Variants in HS1BP3 observed in about 807,000 individuals in gnomAD.
HS1BP3 encodes HCLS1 binding protein 3.
HS1BP3 carries 32 observed loss-of-function variants against 33.5 expected under a neutral mutation model. The ratio of observed to expected loss-of-function variants is 0.95; its 90% CI spans 0.72 to 1.28. The LOEUF is 1.28. Among genes scored for constraint, HS1BP3 ranks in the 50% most tolerant of loss-of-function variants. The probability of loss-of-function intolerance (pLI) is 0.00; values close to 1 mark genes in which losing one functional copy is unlikely to be tolerated. For missense variants in HS1BP3, 486 were observed against 502.3 expected, an observed-to-expected ratio of 0.97 and a Z score of 0.31; for synonymous variants, 187 against 209.2, an observed-to-expected ratio of 0.89 and a Z score of 0.92.
chr2:20,650,181 G>A (rs1301430709), intron 1 of HS1BP3, among the ~76,000 whole-genome samples: 2 of 152,300 alleles, frequency 1.3e-5, no homozygotes, highest in Middle Eastern at 3.4e-3. Context: ...GATTACAACT[G>A]GAAGATCAAC....
chr2:20,556,650 C>T (rs978137146), downstream of HS1BP3, among the ~76,000 whole-genome samples: 1 of 152,174 alleles, frequency 6.6e-6, no homozygotes, highest in African/African-American at 2.4e-5. Context: ...AGTCACTAAA[C>T]CTAGGCTGCT....
intron 2 of HS1BP3, among the ~76,000 whole-genome samples, chr2:20,642,182 G>A (rs180834515): frequency 2.0e-5 from 3 of 152,334 alleles, no homozygotes; most frequent in African/African-American, 7.2e-5. Context: ...ATGCTCCCAG[G>A]CCCGGACTGT....
chr2:20,625,475 T>G (rs1694750917), intron 4 of HS1BP3, among the ~76,000 whole-genome samples: 1 of 152,232 alleles, frequency 6.6e-6, no homozygotes, highest in African/African-American at 2.4e-5. Context: ...GGGATGGACC[T>G]GGTCTTGAGC....
intron 2 of HS1BP3, among the ~76,000 whole-genome samples, chr2:20,608,570 G>A (rs144415771): frequency 1.1e-4 from 6 of 56,116 alleles, no homozygotes; most frequent in East Asian, 5.1e-4. Flanking sequence ...GCGAAACTCC[G>A]TCTCAAAAAA....
chr2:20,571,155 AC>A (rs1693260735), intron 5 of HS1BP3, among the ~76,000 whole-genome samples: 1 of 152,192 alleles, frequency 6.6e-6, no homozygotes, highest in African/African-American at 2.4e-5. Flanking sequence ...AAAGGAAAAA[AC>A]AAAACTGAAG....
downstream of HS1BP3, among the ~76,000 whole-genome samples, chr2:20,590,483 G>A (rs1457445060): frequency 2.0e-5 from 3 of 152,292 alleles, no homozygotes; most frequent in African/African-American, 2.4e-5. Context: ...CCCTCATCCC[G>A]GAGCAGCCCC....
intron 3 of HS1BP3, 40 bp downstream of exon 3, chr2:20,640,933 C>G (rs1572360013): frequency 6.3e-7 from 1 of 1,598,342 alleles, no homozygotes; most frequent in East Asian, 2.2e-5. Flanking sequence ...TAGTTCTGGG[C>G]CGGGGAGACC....
intron 5 of HS1BP3, among the ~76,000 whole-genome samples, chr2:20,568,003 G>C (rs1693177532): frequency 6.6e-6 from 1 of 152,150 alleles, no homozygotes; most frequent in African/African-American, 2.4e-5. Context: ...CTCCTCACCT[G>C]CTCCTCTAGG....
At chr2:20,609,675 G>C (rs1319198265) in intron 2 of HS1BP3, among the ~76,000 whole-genome samples, 1 of 152,202 alleles carries the variant, frequency 6.6e-6, no homozygotes, top group Non-Finnish European at 1.5e-5. Context: ...AGGGTAACTA[G>C]AGGAAGAAAA....
chr2:20,556,780 G>A (rs1692852850), downstream of HS1BP3, among the ~76,000 whole-genome samples: 1 of 152,174 alleles, frequency 6.6e-6, no homozygotes. Flanking sequence ...CATGACTGCC[G>A]TGTTCAGTTT....
chr2:20,601,696 T>C (rs1407786091), intron 2 of HS1BP3, among the ~76,000 whole-genome samples: 1 of 148,066 alleles, frequency 6.8e-6, no homozygotes, highest in Non-Finnish European at 1.5e-5. Flanking sequence ...TTGTGAGGCC[T>C]CCCCAGCCAT....
intron 2 of HS1BP3, among the ~76,000 whole-genome samples, chr2:20,608,179 G>T (rs1433719317): frequency 6.6e-6 from 1 of 151,862 alleles, no homozygotes; most frequent in Non-Finnish European, 1.5e-5. Context: ...CATGTCATCT[G>T]CAAATAAATG....
chr2:20,649,846 C>T (rs1695633637), intron 1 of HS1BP3, among the ~76,000 whole-genome samples: 1 of 152,180 alleles, frequency 6.6e-6, no homozygotes, highest in Non-Finnish European at 1.5e-5. Flanking sequence ...AAGCCACGTC[C>T]AGGCTGTGCA....
At chr2:20,595,999 T>G (rs752036602) in intron 3 of HS1BP3, among the ~76,000 whole-genome samples, 6 of 152,216 alleles carry the variant, frequency 3.9e-5, no homozygotes, top group African/African-American at 1.2e-4. Flanking sequence ...TGTGGAGTCC[T>G]GAAATGTAAA....
At chr2:20,601,584 C>T (rs1572324528) in intron 2 of HS1BP3, among the ~76,000 whole-genome samples, 1 of 152,042 alleles carries the variant, frequency 6.6e-6, no homozygotes, top group East Asian at 1.9e-4. Flanking sequence ...GTAAGTTTCA[C>T]GAGACCTGAT....
intron 2 of HS1BP3, chr2:20,606,498 T>C: frequency 2.1e-6 from 1 of 470,668 alleles, no homozygotes. Flanking sequence ...TCTTAGGTAG[T>C]TTTGTCAAAC....
At chr2:20,619,368 G>T (rs1694524092) in intron 6 of HS1BP3, 123 bp from the exon 7 acceptor site, 1 of 825,350 alleles carries the variant, frequency 1.2e-6, no homozygotes, top group Non-Finnish European at 1.9e-6. Flanking sequence ...CCTCGGCCAG[G>T]TCAAGGCCCC....
At chr2:20,578,671 A>C (rs1445427873) in intron 5 of HS1BP3, among the ~76,000 whole-genome samples, 2 of 152,200 alleles carry the variant, frequency 1.3e-5, no homozygotes, top group African/African-American at 4.8e-5. Context: ...CCATTCACTG[A>C]GGGCTGGCCA....
At chr2:20,604,629 T>C (rs1212880050) in intron 2 of HS1BP3, among the ~76,000 whole-genome samples, 1 of 152,182 alleles carries the variant, frequency 6.6e-6, no homozygotes, top group Non-Finnish European at 1.5e-5. Context: ...ACCCTTTTTA[T>C]AGATGAGAGC....
Sources: gnomAD v4.1 joint callset for allele counts (sites outside exome capture counted in the v4.1 genomes callset) on GRCh38, gnomAD v4.1.1 for gene constraint, MANE v1.5 for transcripts, NCBI Gene and HGNC (gene_info 2026-07-23, HGNC 2026-07-21) for gene names.